ZNF71: variants seen among roughly 807,000 people sequenced by gnomAD.
ZNF71 encodes the protein endothelial zinc finger protein induced by tumor necrosis factor alpha.
Under a neutral mutation model 6.7 loss-of-function variants are expected in ZNF71, and 3 were observed. The observed-to-expected ratio is 0.45, with a 90% CI of 0.20 to 1.16. ZNF71 has a LOEUF of 1.16. Among genes scored for constraint, ZNF71 ranks in the 50% most tolerant of loss-of-function variants. The probability of loss-of-function intolerance (pLI) is 0.25; values close to 1 mark genes in which losing one functional copy is unlikely to be tolerated. For missense variants in ZNF71, 688 were observed against 728.6 expected (o/e 0.94, Z 0.64); for synonymous variants, 343 against 311.1 (o/e 1.10, Z -1.08).
intron 3 of ZNF71, among the ~76,000 whole-genome samples, chr19:56,616,965 C>G (rs1224195183): frequency 6.6e-6 from 1 of 152,178 alleles, no homozygotes; most frequent in Non-Finnish European, 1.5e-5. Context: ...TCAAGGGAAT[C>G]TTATCCTTTA....
At chr19:56,620,903 C>T (rs747296653) in intron 3 of ZNF71, among the ~76,000 whole-genome samples, 7 of 149,818 alleles carry the variant, frequency 4.7e-5, no homozygotes, top group Non-Finnish European at 7.4e-5. Context: ...AGTGAGGAGG[C>T]CCTGCAAGTC....
At chr19:56,620,921 G>A (rs1188542334) in intron 3 of ZNF71, among the ~76,000 whole-genome samples, 2 of 152,140 alleles carry the variant, frequency 1.3e-5, no homozygotes, top group African/African-American at 2.4e-5. Flanking sequence ...GTCAGTAGCC[G>A]GCTGCAGTCA....
intron 1 of ZNF71, among the ~76,000 whole-genome samples, chr19:56,601,197 T>G (rs981990177): frequency 6.6e-6 from 1 of 152,182 alleles, no homozygotes; most frequent in Non-Finnish European, 1.5e-5. Context: ...ATACTCTGCC[T>G]GACTCCAGTC....
Position 56,622,670 on chromosome 19 carries a change from G to A in ZNF71, c.1563G>A (p.Thr521=), listed in dbSNP as rs779577582. 1.9e-6 allele frequency: 3 copies of A among 1,612,490 alleles called. No homozygotes were observed. Among genetic ancestry groups the A allele is most frequent in the African/African-American group, 1.3e-5 (1 of 74,520 alleles). The stretch of plus-strand genomic sequence containing the variant: ...TCACTGTGCACCAGCGGATCCACAC[G>A]GGCGAGAAGCCCTACCGATGCGGCG... ...SSLTVHQRIH[T]GEKPYRCGEC... is the part of the protein sequence containing the mutation. Residue 521 remains threonine (T), a synonymous_variant, in exon 4 of 4, where the codon ACG becomes ACA. Coordinates refer to ENST00000599599, the MANE Select transcript of ZNF71 (RefSeq NM_001370215.1).
intron 3 of ZNF71, 152 bp downstream of exon 3, chr19:56,614,090 G>A: frequency 9.4e-6 from 5 of 530,220 alleles, no homozygotes; most frequent in Non-Finnish European, 9.7e-6. Context: ...GATCACGATG[G>A]TATGGGAAAT....
At position 56,598,603 on chromosome 19, in the gene ZNF71, T is replaced by C. The variant is rs929916054; in HGVS notation, c.-52-2904T>C. Among the ~76,000 whole-genome samples, 1 of 152,216 alleles carries C rather than the reference T, an allele frequency of 6.6e-6. No homozygotes were observed. Among genetic ancestry groups the C allele is most frequent in the African/African-American group, 2.4e-5 (1 of 41,448 alleles). On this transcript the variant is annotated intron_variant, in intron 1 of 3. Coordinates refer to ENST00000599599, the MANE Select transcript of ZNF71 (RefSeq NM_001370215.1). This position sits in a 1 kb window ranked among gnomAD's most constrained non-coding sequence, Gnocchi z 4.2. ...CCTCCACACTACTGACCTTTGGGCC[T>C]GATCATTCTTTGTTGTGGGGCCTGT...
intron 3 of ZNF71, among the ~76,000 whole-genome samples, chr19:56,617,626 C>T (rs750127965): frequency 5.9e-5 from 9 of 152,216 alleles, no homozygotes; most frequent in Non-Finnish European, 1.2e-4. Context: ...TCTCCCATGA[C>T]AGTGGCCATG....
At position 56,599,694 on chromosome 19, in the gene ZNF71, TTG is replaced by T. The variant is rs200572472; in HGVS notation, c.-52-1811_-52-1810del. Among the ~76,000 whole-genome samples the T allele has an allele frequency of 2.7e-5, 4 of 146,596 alleles. 1 individual carries two copies. Among genetic ancestry groups the T allele is most frequent in the South Asian group, 2.1e-4 (1 of 4,704 alleles). On this transcript the variant is annotated intron_variant, in intron 1 of 3. Coordinates refer to ENST00000599599, the MANE Select transcript of ZNF71 (RefSeq NM_001370215.1). ...ACAATCTGATTACATTTTTAGTGTTTTGTTTTTTTTTTTTTTTGAGATGGAGT... is the reference window on the plus strand; with the variant it reads ...ACAATCTGATTACATTTTTAGTGTTTTTTTTTTTTTTTTTTGAGATGGAGT...
chr19:56,622,674 G>A lies in ZNF71; in HGVS notation c.1567G>A (p.Glu523Lys), dbSNP rs2044872063. Residue 523 changes from glutamate to lysine, a missense_variant, in exon 4 of 4, where the codon GAG becomes AAG. Coordinates refer to ENST00000599599, the MANE Select transcript of ZNF71 (RefSeq NM_001370215.1). ...LTVHQRIHTG[E>K]KPYRCGECGK... is the part of the protein sequence containing the mutation. ...TGTGCACCAGCGGATCCACACGGGC[G>A]AGAAGCCCTACCGATGCGGCGAGTG... is the stretch of plus-strand genomic sequence containing the variant. 6.2e-7 allele frequency: 1 copy of A among 1,614,182 alleles called. No homozygotes were observed. Among genetic ancestry groups the A allele is most frequent in the Non-Finnish European group, 8.5e-7 (1 of 1,180,016 alleles).
Position 56,622,936 on chromosome 19 carries a change from C to A in ZNF71, c.*179C>A. ...CACACATGCCCCCTCCTTACTGAGC[C>A]TCAGAAAGCAAGCCCCTCGGTGTCT... On this transcript the variant is annotated 3_prime_UTR_variant, in exon 4 of 4. Transcript: ENST00000599599. 3.7e-6 allele frequency: 3 copies of A among 812,028 alleles called. No homozygotes were observed. Among genetic ancestry groups the A allele is most frequent in the African/African-American group, 1.7e-5 (1 of 57,590 alleles). 50.3% of individuals were successfully genotyped at this position (812,028 alleles called of 1,614,324 possible).
chr19:56,597,770 TC>T (rs1178167204), intron 1 of ZNF71, among the ~76,000 whole-genome samples: 16 of 152,228 alleles, frequency 1.1e-4, no homozygotes, highest in African/African-American at 3.9e-4. Context: ...TATCTTTTTT[TC>T]CTATATGTAA....
At chr19:56,600,185 A>ATTTTTTTTTTTTT in intron 1 of ZNF71, among the ~76,000 whole-genome samples, 1 of 24,912 alleles carries the variant, frequency 4.0e-5, no homozygotes, top group African/African-American at 5.0e-4. Context: ...AACCCTCTGT[A>ATTTTTTTTTTTTT]TTTTTTTTTT....
chr19:56,607,106 C>G (rs937505092), intron 2 of ZNF71, among the ~76,000 whole-genome samples: 15 of 152,078 alleles, frequency 9.9e-5, no homozygotes, highest in African/African-American at 3.6e-4. Context: ...ACCAGAAAAG[C>G]ATGGTTGAAT....
In ZNF71 at chr19:56,598,149, A is replaced by C. The variant is rs2044639991; in HGVS notation, c.-53+2721A>C. ...TGTCAATAGTGGTTTGTACTGCAAG[A>C]AAATAGAGGGGGAGAGAGTTGCTGC... On this transcript the variant is annotated intron_variant, in intron 1 of 3. Coordinates refer to ENST00000599599, the MANE Select transcript of ZNF71 (RefSeq NM_001370215.1). The surrounding 1 kb of genome is among the most constrained non-coding windows in gnomAD (Gnocchi z 4.2). Among the ~76,000 whole-genome samples the C allele has an allele frequency of 6.6e-6, 1 of 152,184 alleles. No individual in the cohort carries two copies. The highest frequency in any genetic ancestry group is 1.5e-5 in the Non-Finnish European group (1 of 68,040).
chr19:56,617,112 G>GTTTTTTTTTTTTTTTTTTT (rs748784485), intron 3 of ZNF71, among the ~76,000 whole-genome samples: 2 of 140,644 alleles, frequency 1.4e-5, no homozygotes, highest in Non-Finnish European at 1.5e-5. Flanking sequence ...ATTTTCTTTT[G>GTTTTTTTTTTTTTTTTTTT]TTTTTTTTTG....
intron 3 of ZNF71, among the ~76,000 whole-genome samples, chr19:56,619,556 T>C (rs2044826779): frequency 6.6e-6 from 1 of 152,224 alleles, no homozygotes; most frequent in Non-Finnish European, 1.5e-5. Flanking sequence ...GATGCTGGGC[T>C]TTTTTGAACA....
chr19:56,597,423 C>G (rs879721849), intron 1 of ZNF71, among the ~76,000 whole-genome samples: 3 of 152,236 alleles, frequency 2.0e-5, no homozygotes, highest in Admixed American at 6.5e-5. Flanking sequence ...ACTTCTACCC[C>G]CTTCTCATTC....
intron 2 of ZNF71, among the ~76,000 whole-genome samples, chr19:56,604,151 AAAAT>A (rs2044692462): frequency 6.6e-6 from 1 of 152,222 alleles, no homozygotes; most frequent in Non-Finnish European, 1.5e-5. Flanking sequence ...ACAATTTTGT[AAAAT>A]AAATAAATAT....
intron 3 of ZNF71, among the ~76,000 whole-genome samples, chr19:56,617,969 A>C (rs10405569): frequency 6.6e-6 from 1 of 150,906 alleles, no homozygotes; most frequent in African/African-American, 2.4e-5. Context: ...AGACTCCATC[A>C]GCCCCAGACA....
Sources: allele counts gnomAD v4.1 joint callset (sites outside exome capture counted in the v4.1 genomes callset), GRCh38; gene constraint gnomAD v4.1.1; non-coding constraint Gnocchi (gnomAD v3.1); transcripts MANE v1.5; gene names NCBI Gene and HGNC (gene_info 2026-07-23, HGNC 2026-07-21).